ODAD2: variants seen among roughly 807,000 people sequenced by gnomAD.
ODAD2 encodes the protein outer dynein arm-docking complex subunit 2.
A neutral mutation model predicts 106.8 loss-of-function variants in ODAD2; 89 were observed. That is an observed-to-expected ratio of 0.83 (90% CI 0.70 to 0.99). ODAD2 has a LOEUF of 0.99. Ranked by LOEUF, ODAD2 falls within the 50% of genes least tolerant of loss-of-function variation. The probability of loss-of-function intolerance (pLI) is 0.00; values close to 1 mark genes in which losing one functional copy is unlikely to be tolerated. For synonymous variants in ODAD2, 404 were observed against 436.2 expected, an observed-to-expected ratio of 0.93 and a Z score of 0.92; for missense variants, 1,168 against 1,238.5, an observed-to-expected ratio of 0.94 and a Z score of 0.85.
Position 27,981,559 on chromosome 10 carries a change from G to T in ODAD2, c.843C>A (p.Asp281Glu), listed in dbSNP as rs754506887. 2.6e-6 allele frequency: 4 copies of T among 1,540,420 alleles called. No individual in the cohort carries two copies. The highest frequency in any genetic ancestry group is 2.5e-5 in the Admixed American group (1 of 40,298). The change falls in exon 7 of 20, where the codon GAC (aspartate) becomes GAA (glutamate). Residue 281 changes from aspartate to glutamate, a missense_variant. Coordinates refer to ENST00000305242, the MANE Select transcript of ODAD2 (RefSeq NM_018076.5). ...TTGAACCTTTTCTCTCATAATTAACGTCCCCTTCATCATCTGTTTTGCCCT... is the reference window on the plus strand; with the variant it reads ...TTGAACCTTTTCTCTCATAATTAACTTCCCCTTCATCATCTGTTTTGCCCT... ...LNGGKTDDEGDVNYERKGSIY... is the reference protein window; with the variant it reads ...LNGGKTDDEGEVNYERKGSIY...
intron 19 of ODAD2, among the ~76,000 whole-genome samples, chr10:27,819,804 G>A (rs1217917173): frequency 1.4e-5 from 2 of 147,948 alleles, no homozygotes; most frequent in African/African-American, 5.0e-5. Flanking sequence ...TCAGCACAAT[G>A]CATCTAGATT....
chr10:27,821,543 A>C (rs1305625984), intron 19 of ODAD2, among the ~76,000 whole-genome samples: 2 of 152,226 alleles, frequency 1.3e-5, no homozygotes, highest in African/African-American at 4.8e-5. Flanking sequence ...TAAAACTAGC[A>C]AATACTCGCA....
At chr10:27,820,777 C>CTTTTTTTTTTTTTTTTT (rs72095120) in intron 19 of ODAD2, among the ~76,000 whole-genome samples, 44 of 105,548 alleles carry the variant, frequency 4.2e-4, no homozygotes, top group African/African-American at 1.6e-3. Context: ...AGCCCAGCAA[C>CTTTTTTTTTTTTTTTTT]TTTTTTTTTT....
chr10:27,962,277 T>C (rs1256307307), intron 9 of ODAD2, among the ~76,000 whole-genome samples: 1 of 152,238 alleles, frequency 6.6e-6, no homozygotes, highest in Non-Finnish European at 1.5e-5. Context: ...TTTGAACTTA[T>C]TTATTTAACT....
At chr10:27,880,388 G>A (rs772753004) in intron 17 of ODAD2, among the ~76,000 whole-genome samples, 7 of 152,132 alleles carry the variant, frequency 4.6e-5, no homozygotes, top group Non-Finnish European at 7.3e-5. Flanking sequence ...ATTCCTTTGG[G>A]AGGCAGAAAA....
chr10:27,847,558 G>T (rs899461136), intron 19 of ODAD2, among the ~76,000 whole-genome samples: 3 of 151,816 alleles, frequency 2.0e-5, no homozygotes, highest in African/African-American at 4.8e-5. Context: ...CATAGTGTTG[G>T]AAGTTCTGGC....
At chr10:27,891,017 G>A (rs1842524186) in intron 17 of ODAD2, among the ~76,000 whole-genome samples, 2 of 152,150 alleles carry the variant, frequency 1.3e-5, no homozygotes, top group Admixed American at 1.3e-4. Flanking sequence ...GGCTAAATCA[G>A]AGCTTGTGTT....
intron 19 of ODAD2, among the ~76,000 whole-genome samples, chr10:27,816,222 A>G (rs1230261286): frequency 6.6e-6 from 1 of 152,236 alleles, no homozygotes; most frequent in East Asian, 1.9e-4. Flanking sequence ...CTGATGAACT[A>G]TTCATACTGT....
At chr10:27,989,897 G>T (rs1277966301) in intron 2 of ODAD2, among the ~76,000 whole-genome samples, 1 of 152,042 alleles carries the variant, frequency 6.6e-6, no homozygotes, top group Non-Finnish European at 1.5e-5. Context: ...GCCAGCTATG[G>T]ACAAGATTTT....
At chr10:27,958,956 T>G in intron 10 of ODAD2, 1 of 1,303,904 alleles carries the variant, frequency 7.7e-7, no homozygotes, top group Non-Finnish European at 1.0e-6. Flanking sequence ...TCTGCCATTT[T>G]GACTTGTTTC....
At chr10:27,907,561 A>C in intron 17 of ODAD2, 102 bp downstream of exon 17, 1 of 702,112 alleles carries the variant, frequency 1.4e-6, no homozygotes, top group Non-Finnish European at 2.4e-6. Context: ...CACCAGATAA[A>C]TCTGACTTAC....
chr10:27,970,134 A>AAATG (rs71391006), intron 8 of ODAD2, among the ~76,000 whole-genome samples: 15,416 of 147,334 alleles, frequency 0.1, 932 homozygotes, highest in Non-Finnish European at 0.12. Context: ...ATAAATAAAT[A>AAATG]AATAAATAAA....
rs368501109 is a variant in ODAD2, at chr10:27,994,993, T to A, written c.150A>T (p.Lys50Asn). Residue 50 changes from lysine (K) to asparagine (N), a missense_variant, in exon 2 of 20, where the codon AAA becomes AAT. Transcript: ENST00000305242. Reference sequence around the variant, plus strand: ...ATTCAAGTGGTTCCACAAAAACAAATTTTGCCTCTTGAGGATGTTTATAGA... The same window carrying A: ...ATTCAAGTGGTTCCACAAAAACAAAATTTGCCTCTTGAGGATGTTTATAGA... The part of the protein sequence containing the change: ...SFIYKHPQEA[K>N]FVFVEPLEWN... The A allele has an allele frequency of 2.5e-6, 4 of 1,614,064 alleles. No homozygotes were observed. In the African/African-American group the frequency reaches 5.3e-5, roughly 22 times the overall value.
intron 19 of ODAD2, among the ~76,000 whole-genome samples, chr10:27,819,472 T>A (rs1412303039): frequency 1.4e-5 from 2 of 147,112 alleles, no homozygotes; most frequent in East Asian, 4.0e-4. Context: ...TCAGGCCGGG[T>A]GGATGCCTGT....
At chr10:27,826,652 C>G (rs1205934915) in intron 19 of ODAD2, among the ~76,000 whole-genome samples, 1 of 152,120 alleles carries the variant, frequency 6.6e-6, no homozygotes, top group Non-Finnish European at 1.5e-5. Context: ...TCCTCCTGCC[C>G]AGGCTCATCT....
chr10:27,996,912 T>C (rs1376990704), intron 1 of ODAD2, among the ~76,000 whole-genome samples: 1 of 152,226 alleles, frequency 6.6e-6, no homozygotes, highest in Non-Finnish European at 1.5e-5. Flanking sequence ...AGCGTTTACA[T>C]GCCAATCTTT....
Position 27,944,239 on chromosome 10 carries a change from C to A in ODAD2, c.1726G>T (p.Gly576Trp), listed in dbSNP as rs776147159. 1 of 1,612,674 alleles carries A rather than the reference C, an allele frequency of 6.2e-7. No homozygotes were observed. Among genetic ancestry groups the A allele is most frequent in the Admixed American group, 1.7e-5 (1 of 59,974 alleles). The change falls in exon 12 of 20, where the codon GGG (glycine) becomes TGG (tryptophan). Residue 576 changes from glycine to tryptophan, a missense_variant. Physicochemically the swap from Gly to Trp is radical, Grantham distance 184 (BLOSUM62 -2). This residue lies in a region of ODAD2 where 701 missense variants were observed against 712.3 expected (regional missense o/e 0.98). Transcript: ENST00000305242. ...KRARRVVRQH[G>W]GITKLVALLD... Reference sequence around the variant, plus strand: ...CTACTCACCAGTTTGGTGATACCCCCGTGCTGCCTCACCACCCGCCGTGCT... The same window carrying A: ...CTACTCACCAGTTTGGTGATACCCCAGTGCTGCCTCACCACCCGCCGTGCT...
intron 9 of ODAD2, among the ~76,000 whole-genome samples, chr10:27,964,679 A>G: frequency 6.6e-6 from 1 of 152,208 alleles, no homozygotes; most frequent in Admixed American, 6.5e-5. Context: ...GTTCAGCAAG[A>G]ACAGAATCAA....
intron 17 of ODAD2, among the ~76,000 whole-genome samples, chr10:27,904,729 A>T (rs545476517): frequency 7.9e-5 from 12 of 152,248 alleles, no homozygotes; most frequent in African/African-American, 2.6e-4. Flanking sequence ...GGCTATTCCG[A>T]CATGTTTATT....
Sources: gnomAD v4.1 joint callset for allele counts (sites outside exome capture counted in the v4.1 genomes callset) on GRCh38, gnomAD v4.1.1 for gene constraint, gnomAD v4.1.1 regional missense constraint, MANE v1.5 for transcripts, NCBI Gene and HGNC (gene_info 2026-07-23, HGNC 2026-07-21) for gene names.